Variants in GREB1L observed in about 807,000 individuals in gnomAD.
The protein encoded by GREB1L is GREB1-like protein.
Under a neutral mutation model 200.8 loss-of-function variants are expected in GREB1L, and 17 were observed. The ratio of observed to expected loss-of-function variants is 0.08; its 90% CI spans 0.06 to 0.13. The LOEUF is 0.13. GREB1L is among the 10% of genes least tolerant of loss of function. GREB1L has a pLI of 1.00. For missense variants in GREB1L, 1,657 were observed against 2,367.7 expected (o/e 0.70, Z 6.23); for synonymous variants, 789 against 893.0 (o/e 0.88, Z 2.08).
At chr18:21,458,072 G>A (rs1373960858) in intron 15 of GREB1L, among the ~76,000 whole-genome samples, 2 of 150,736 alleles carry the variant, frequency 1.3e-5, no homozygotes, top group African/African-American at 2.4e-5. Flanking sequence ...GGGTTCAAGC[G>A]ATTCTTCTGC....
At chr18:21,408,749 G>A (rs2030591411) in intron 7 of GREB1L, among the ~76,000 whole-genome samples, 1 of 145,776 alleles carries the variant, frequency 6.9e-6, no homozygotes, top group African/African-American at 2.6e-5. Flanking sequence ...AGCCGAGATT[G>A]CACCATTGCA....
chr18:21,511,500 C>T (rs1373876681), intron 27 of GREB1L, among the ~76,000 whole-genome samples: 1 of 152,194 alleles, frequency 6.6e-6, no homozygotes, highest in African/African-American at 2.4e-5. Flanking sequence ...TTCAATGTCA[C>T]AAGGCCTTCC....
rs1273724722 is a variant in GREB1L, at chr18:21,525,848, A to G, written c.*3027A>G. Among the ~76,000 whole-genome samples the G allele has an allele frequency of 7.1e-6, 1 of 141,112 alleles. No homozygotes were observed. Among genetic ancestry groups the G allele is most frequent in the Non-Finnish European group, 1.6e-5 (1 of 62,692 alleles). 92.6% of individuals were successfully genotyped at this position (141,112 alleles called of 152,430 possible). A position where few individuals can be genotyped will look rare whatever the true frequency, so the allele number is the denominator to read the frequency against. On this transcript the variant is annotated 3_prime_UTR_variant, in exon 33 of 33. Coordinates refer to ENST00000424526, the MANE Select transcript of GREB1L (RefSeq NM_001142966.3). Reference sequence around the variant, plus strand: ...AAAATGGCTTTCAATCTATTAATAAAGTGTAGTAAATTAAAAGAATTTGAC... The same window carrying G: ...AAAATGGCTTTCAATCTATTAATAAGGTGTAGTAAATTAAAAGAATTTGAC...
rs1046136342 is a variant in GREB1L, at chr18:21,490,312, C to G, written c.2991C>G (p.Thr997=). The G allele has an allele frequency of 6.4e-7, 1 of 1,551,706 alleles. No individual in the cohort carries two copies. Among genetic ancestry groups the G allele is most frequent in the African/African-American group, 1.4e-5 (1 of 73,022 alleles). The change falls in exon 19 of 33, where the codon ACC becomes ACG. Residue 997 remains threonine (T), a synonymous_variant. Coordinates refer to ENST00000424526, the MANE Select transcript of GREB1L (RefSeq NM_001142966.3). ...RFEIILGNPA[T]ELSVATHFVA... ...AGATCATCCTTGGGAACCCGGCCAC[C>G]GAACTCAGTGTTGCAACTCACTTTG...
intron 1 of GREB1L, among the ~76,000 whole-genome samples, chr18:21,254,157 C>T (rs1477745939): frequency 1.1e-4 from 17 of 149,954 alleles, no homozygotes; most frequent in Non-Finnish European, 2.4e-4. Flanking sequence ...GCAGCTTCCA[C>T]CTCCCGGGTT....
chr18:21,268,583 A>ACATG (rs2038026193), intron 1 of GREB1L, among the ~76,000 whole-genome samples: 1 of 132,102 alleles, frequency 7.6e-6, no homozygotes, highest in Non-Finnish European at 1.6e-5. Flanking sequence ...ATATATATAT[A>ACATG]TATATATATA....
At chr18:21,371,321 A>G (rs1292377759) in intron 2 of GREB1L, among the ~76,000 whole-genome samples, 2 of 152,198 alleles carry the variant, frequency 1.3e-5, no homozygotes, top group Admixed American at 6.5e-5. Flanking sequence ...AATAAATTGT[A>G]TATAGTGCCA....
intron 15 of GREB1L, among the ~76,000 whole-genome samples, chr18:21,461,029 A>G (rs1286227006): frequency 1.3e-5 from 2 of 151,100 alleles, no homozygotes; most frequent in Admixed American, 6.6e-5. Flanking sequence ...CCTGGGAGGC[A>G]GAGGTTGCAG....
At chr18:21,496,893 T>C (rs182358686) in intron 21 of GREB1L, among the ~76,000 whole-genome samples, 195 bp downstream of exon 21, 1 of 152,264 alleles carries the variant, frequency 6.6e-6, no homozygotes, top group African/African-American at 2.4e-5. Flanking sequence ...CAAAATACTT[T>C]CCTGGGTAAA....
chr18:21,433,347 A>G (rs917058394), intron 7 of GREB1L, among the ~76,000 whole-genome samples: 1 of 152,224 alleles, frequency 6.6e-6, no homozygotes, highest in African/African-American at 2.4e-5. Context: ...AAAATATAAG[A>G]TGAATTATCA....
chr18:21,441,630 T>C lies in GREB1L; in HGVS notation c.1207+93T>C, dbSNP rs529807825. 5 of 1,140,202 alleles carry C rather than the reference T, an allele frequency of 4.4e-6. No homozygotes were observed. The South Asian group carries it at 6.4e-5, about 15-fold the overall frequency. The allele number at this position is 1,140,202 out of a possible 1,614,324, so 70.6% of individuals were successfully genotyped here. A position where few individuals can be genotyped will look rare whatever the true frequency, so the allele number is the denominator to read the frequency against. ...GTTTTTTCATGTATTCATGAAGATA[T>C]TCATCCATCTGTTGATTCTGTCAGC... On this transcript the variant is annotated intron_variant, in intron 10 of 32. Transcript: ENST00000424526.
chr18:21,476,024 C>T (rs1357211298), intron 16 of GREB1L, among the ~76,000 whole-genome samples: 1 of 145,074 alleles, frequency 6.9e-6, no homozygotes, highest in Non-Finnish European at 1.5e-5. Context: ...CATATTTGCT[C>T]CCAGATCAAA....
chr18:21,361,212 G>A (rs772560888), intron 1 of GREB1L, among the ~76,000 whole-genome samples: 1 of 152,190 alleles, frequency 6.6e-6, no homozygotes, highest in Non-Finnish European at 1.5e-5. Flanking sequence ...TTCCGATAAC[G>A]TATGTGAGAA....
At chr18:21,452,462 T>G in intron 14 of GREB1L, 1 of 419,116 alleles carries the variant, frequency 2.4e-6, no homozygotes. Flanking sequence ...TCTTAAGCAC[T>G]CTCTCTTTTT....
rs531492233 is a variant in GREB1L at position 21,277,086 on chromosome 18, G to T, written c.-120+34693G>T. ...TGGGACTGCAGGCACCCACCACCAC[G>T]CCCAGCCAATTTTTTGTATTTTTAG... On this transcript the variant is annotated intron_variant, in intron 1 of 32. Coordinates refer to ENST00000424526, the MANE Select transcript of GREB1L (RefSeq NM_001142966.3). Among the ~76,000 whole-genome samples the T allele has an allele frequency of 2.8e-4, 43 of 151,986 alleles. 1 individual carries two copies. In the East Asian group the frequency reaches 8.1e-3, roughly 29 times the overall value.
At chr18:21,258,080 A>G (rs2037830033) in intron 1 of GREB1L, among the ~76,000 whole-genome samples, 1 of 152,174 alleles carries the variant, frequency 6.6e-6, no homozygotes, top group Non-Finnish European at 1.5e-5. Context: ...TTGTGATTCA[A>G]CTAGATTATA....
chr18:21,450,182 G>A (rs2034450847), intron 12 of GREB1L, among the ~76,000 whole-genome samples: 1 of 152,118 alleles, frequency 6.6e-6, no homozygotes, highest in Non-Finnish European at 1.5e-5. Context: ...GCCTAAGCCA[G>A]TTAATCGAAT....
intron 15 of GREB1L, among the ~76,000 whole-genome samples, chr18:21,468,025 A>AAG (rs2035334719): frequency 7.1e-6 from 1 of 141,752 alleles, no homozygotes; most frequent in Non-Finnish European, 1.5e-5. Context: ...ACTCCATCTG[A>AAG]AAAAAAAAAA....
chr18:21,451,106 G>A lies in GREB1L; in HGVS notation c.1804G>A (p.Gly602Arg). The change falls in exon 13 of 33, where the codon GGA becomes AGA. Residue 602 changes from glycine (G) to arginine (R), a missense_variant. By Grantham distance (125) the Gly-to-Arg change is moderately radical (BLOSUM62 -2). This residue lies in a region of GREB1L where 239 missense variants were observed against 421.8 expected (regional missense o/e 0.57). Coordinates refer to ENST00000424526, the MANE Select transcript of GREB1L (RefSeq NM_001142966.3). ...LKEISYELIT[G>R]KVSFLASHFK... ...AGAAATTAGTTATGAGCTTATCACA[G>A]GAAAGGTCAGTTTCCTGGCATCACA... The A allele has an allele frequency of 6.4e-7, 1 of 1,551,688 alleles. No homozygotes were observed. Among genetic ancestry groups the A allele is most frequent in the South Asian group, 1.2e-5 (1 of 84,060 alleles).
Sources: allele counts gnomAD v4.1 joint callset (sites outside exome capture counted in the v4.1 genomes callset), GRCh38; gene constraint gnomAD v4.1.1; regional missense constraint gnomAD v4.1.1; transcripts MANE v1.5; gene names NCBI Gene and HGNC (gene_info 2026-07-23, HGNC 2026-07-21).